TMEM163: variants seen among roughly 807,000 people sequenced by gnomAD.
The protein encoded by TMEM163 is transmembrane protein 163.
A neutral mutation model predicts 29.3 loss-of-function variants in TMEM163; 17 were observed. The ratio of observed to expected loss-of-function variants is 0.58; its 90% CI spans 0.40 to 0.87. TMEM163 has a LOEUF of 0.87. Ranked by LOEUF, TMEM163 falls within the 40% of genes least tolerant of loss-of-function variation. TMEM163 has a pLI of 0.00. For synonymous variants in TMEM163, 157 were observed against 160.6 expected, an observed-to-expected ratio of 0.98 and a Z score of 0.17; for missense variants, 303 against 381.5, an observed-to-expected ratio of 0.79 and a Z score of 1.71.
chr2:134,696,331 A>T (rs1285898467), intron 2 of TMEM163, among the ~76,000 whole-genome samples: 1 of 152,196 alleles, frequency 6.6e-6, no homozygotes, highest in African/African-American at 2.4e-5. Context: ...CCCTAGTTTT[A>T]GAAGTTTTGA....
chr2:134,588,843 G>T (rs548007591), intron 2 of TMEM163, among the ~76,000 whole-genome samples: 110 of 152,134 alleles, frequency 7.2e-4, no homozygotes, highest in Admixed American at 1.5e-3. Context: ...CAGGCAAAAC[G>T]TTGGGGGGGG....
intron 2 of TMEM163, among the ~76,000 whole-genome samples, chr2:134,704,460 C>A (rs938939163): frequency 3.3e-5 from 5 of 152,152 alleles, no homozygotes; most frequent in Admixed American, 2.0e-4. Flanking sequence ...GAAGCCATCT[C>A]AGCTTCCAGG....
At chr2:134,461,915 C>A (rs1050311218) in intron 6 of TMEM163, among the ~76,000 whole-genome samples, 9 of 152,190 alleles carry the variant, frequency 5.9e-5, no homozygotes, top group Non-Finnish European at 1.3e-4. Flanking sequence ...GCTCCCTGAG[C>A]CCATCCTGCC....
At chr2:134,516,980 A>C (rs1288820397) in intron 4 of TMEM163, among the ~76,000 whole-genome samples, 1 of 151,996 alleles carries the variant, frequency 6.6e-6, no homozygotes, top group Non-Finnish European at 1.5e-5. Context: ...TTAGTGGATT[A>C]GTTTACATGG....
intron 2 of TMEM163, among the ~76,000 whole-genome samples, chr2:134,633,336 G>A (rs1372799764): frequency 1.3e-5 from 2 of 152,138 alleles, no homozygotes; most frequent in African/African-American, 2.4e-5. Flanking sequence ...AGACATGAGC[G>A]GTTGGGAGGT....
intron 2 of TMEM163, among the ~76,000 whole-genome samples, chr2:134,598,830 T>A (rs970350746): frequency 6.6e-6 from 1 of 150,864 alleles, no homozygotes; most frequent in African/African-American, 2.4e-5. Context: ...TGAGGCAGCA[T>A]AATTGCTTGA....
intron 4 of TMEM163, among the ~76,000 whole-genome samples, chr2:134,539,797 A>C (rs955703265): frequency 6.6e-6 from 1 of 152,212 alleles, no homozygotes; most frequent in African/African-American, 2.4e-5. Flanking sequence ...TAAAACTTCA[A>C]AGACAGCTGT....
chr2:134,457,978 A>G (rs1231143389), intron 7 of TMEM163, 54 bp downstream of exon 7: 13 of 1,608,510 alleles, frequency 8.1e-6, no homozygotes, highest in Non-Finnish European at 1.0e-5. Context: ...AAGGCGGTGG[A>G]AAAGGGACAC....
intron 2 of TMEM163, among the ~76,000 whole-genome samples, chr2:134,562,945 GATA>G (rs1235655233): frequency 6.6e-6 from 1 of 152,242 alleles, no homozygotes; most frequent in African/African-American, 2.4e-5. Context: ...GCTGACAGCT[GATA>G]ATATGTCTCA....
intron 2 of TMEM163, among the ~76,000 whole-genome samples, chr2:134,559,941 G>A (rs1432095780): frequency 1.3e-5 from 2 of 152,110 alleles, no homozygotes; most frequent in African/African-American, 4.8e-5. Context: ...ATGGTCCTTA[G>A]GATGGAGGAA....
chr2:134,596,025 T>C (rs1682072224), intron 2 of TMEM163, among the ~76,000 whole-genome samples: 1 of 152,256 alleles, frequency 6.6e-6, no homozygotes. Context: ...CTTTGTCAGA[T>C]AAGTAGATTG....
chr2:134,662,128 G>A (rs1009574471), intron 2 of TMEM163, among the ~76,000 whole-genome samples: 4 of 151,620 alleles, frequency 2.6e-5, no homozygotes, highest in Non-Finnish European at 5.9e-5. Context: ...GTAGAGTCGG[G>A]GTTTCACCGT....
intron 2 of TMEM163, among the ~76,000 whole-genome samples, chr2:134,574,672 A>G (rs1293704813): frequency 6.6e-6 from 1 of 152,230 alleles, no homozygotes; most frequent in Non-Finnish European, 1.5e-5. Context: ...TTGCACCAAG[A>G]AAACGTCCAC....
At chr2:134,496,400 G>C (rs1679561756) in intron 5 of TMEM163, among the ~76,000 whole-genome samples, 2 of 152,144 alleles carry the variant, frequency 1.3e-5, no homozygotes, top group African/African-American at 2.4e-5. Context: ...TCTATTTCCA[G>C]TTTTGCTCAG....
At position 134,538,690 on chromosome 2, in the gene TMEM163, G is replaced by C. The variant is rs536670368; in HGVS notation, c.458+11880C>G. On this transcript the variant is annotated intron_variant, in intron 4 of 7. Coordinates refer to ENST00000281924, the MANE Select transcript of TMEM163 (RefSeq NM_030923.5). Reference sequence around the variant, plus strand: ...GGTGAAGCTGACGACACTATGCTGAGTGACTAAGGAAAGAAAGAAAAGATA... The same window carrying C: ...GGTGAAGCTGACGACACTATGCTGACTGACTAAGGAAAGAAAGAAAAGATA... Among the ~76,000 whole-genome samples, 22 of 152,324 alleles carry C rather than the reference G, an allele frequency of 1.4e-4. No homozygotes were observed. The South Asian group carries it at 4.6e-3, about 32-fold the overall frequency.
intron 5 of TMEM163, among the ~76,000 whole-genome samples, chr2:134,475,767 A>T (rs1686899107): frequency 6.6e-6 from 1 of 152,222 alleles, no homozygotes; most frequent in Non-Finnish European, 1.5e-5. Context: ...AAGTACATGG[A>T]AACCACTGTA....
In TMEM163 at chr2:134,594,686, G is replaced by A. The variant is rs79661069; in HGVS notation, c.323-42595C>T. The stretch of plus-strand genomic sequence containing the variant: ...GAGTTTGTTCATTTAGGTCCATTTC[G>A]ATCTACTGCTTTAGATGATCAGCAA... On this transcript the variant is annotated intron_variant, in intron 2 of 7. Transcript: ENST00000281924. Among the ~76,000 whole-genome samples the A allele has an allele frequency of 6.1e-4, 93 of 152,310 alleles. No homozygotes were observed. In the East Asian group the frequency reaches 0.012, roughly 20 times the overall value.
chr2:134,462,729 A>G (rs1686574185), intron 6 of TMEM163, among the ~76,000 whole-genome samples: 1 of 152,244 alleles, frequency 6.6e-6, no homozygotes. Context: ...AACATGATGA[A>G]AGCCAGAACA....
At chr2:134,592,505 A>G (rs56993550) in intron 2 of TMEM163, among the ~76,000 whole-genome samples, 4,590 of 152,294 alleles carry the variant, frequency 0.03, 108 homozygotes, top group Admixed American at 0.082. Context: ...ATGGCCACAA[A>G]GAATCTGTTT....
Sources: allele counts gnomAD v4.1 joint callset (sites outside exome capture counted in the v4.1 genomes callset), GRCh38; gene constraint gnomAD v4.1.1; transcripts MANE v1.5; gene names NCBI Gene and HGNC (gene_info 2026-07-23, HGNC 2026-07-21).